Variants in CBFA2T3 observed in about 807,000 individuals in gnomAD.
CBFA2T3 encodes the protein CBFA2/RUNX1 partner transcriptional co-repressor 3, also known as transcriptional corepressor CBFA2T3.
In CBFA2T3, 31 loss-of-function variants were observed where a neutral mutation model predicts 58.6. The ratio of observed to expected loss-of-function variants is 0.53; its 90% CI spans 0.40 to 0.71. The LOEUF (loss-of-function observed/expected upper bound fraction) is 0.71. Ranked by LOEUF, CBFA2T3 falls within the 30% of genes least tolerant of loss-of-function variation. The pLI is 0.00. For synonymous variants in CBFA2T3, 531 were observed against 421.9 expected, an observed-to-expected ratio of 1.26 and a Z score of -3.17; for missense variants, 1,076 against 963.1, an observed-to-expected ratio of 1.12 and a Z score of -1.55.
chr16:88,886,189 G>A (rs747499966), intron 5 of CBFA2T3, 47 bp from the exon 6 acceptor site: 218 of 1,386,012 alleles, frequency 1.6e-4, no homozygotes, highest in Non-Finnish European at 2.0e-4. Flanking sequence ...GGGGTGCACA[G>A]CCCTGCTCAG....
At chr16:88,940,688 C>T (rs1293482413) in intron 1 of CBFA2T3, among the ~76,000 whole-genome samples, 1 of 152,220 alleles carries the variant, frequency 6.6e-6, no homozygotes, top group East Asian at 1.9e-4. Flanking sequence ...CGCCCTCGGC[C>T]TCCCCACTCC....
chr16:88,922,460 T>G (rs887172338), intron 1 of CBFA2T3, among the ~76,000 whole-genome samples: 1 of 152,200 alleles, frequency 6.6e-6, no homozygotes, highest in Non-Finnish European at 1.5e-5. Context: ...AGGGGCTGTA[T>G]GGGCCTGGAG....
At chr16:88,887,128 C>T (rs1437732949) in intron 5 of CBFA2T3, 1 of 152,296 alleles carries the variant, frequency 6.6e-6, no homozygotes, top group Non-Finnish European at 1.5e-5. Flanking sequence ...AATCCAATTC[C>T]CCAACTTTCT....
At chr16:88,910,022 G>A (rs1003566394) in intron 1 of CBFA2T3, among the ~76,000 whole-genome samples, 1 of 152,242 alleles carries the variant, frequency 6.6e-6, no homozygotes, top group African/African-American at 2.4e-5. Context: ...CTTGGCCAGT[G>A]CCACAGTGGC....
At chr16:88,943,022 G>A (rs1415855952) in intron 1 of CBFA2T3, among the ~76,000 whole-genome samples, 2 of 152,326 alleles carry the variant, frequency 1.3e-5, no homozygotes, top group Middle Eastern at 3.4e-3. Context: ...CTGGCTTCAT[G>A]GACTCTGAGG....
rs148371476 is a variant in CBFA2T3 at position 88,908,596 on chromosome 16, C to T, written c.152-6940G>A. Among the ~76,000 whole-genome samples the T allele has an allele frequency of 2.0e-3, 300 of 152,322 alleles. 1 individual carries two copies. Among genetic ancestry groups the T allele is most frequent in the African/African-American group, 6.8e-3 (282 of 41,574 alleles). On this transcript the variant is annotated intron_variant, in intron 1 of 11. Transcript: ENST00000268679. ...CAGCCCGCCCTGCCCAGCTGGGAAA[C>T]AGCCACAGCCCAGGGCTCCCAGCCT...
At chr16:88,888,776 G>C (rs1015124373) in intron 5 of CBFA2T3, among the ~76,000 whole-genome samples, 2 of 151,826 alleles carry the variant, frequency 1.3e-5, no homozygotes, top group African/African-American at 4.8e-5. Flanking sequence ...GAGGTGAACA[G>C]ACTTCATGTC....
chr16:88,949,690 T>A (rs918106482), intron 1 of CBFA2T3, among the ~76,000 whole-genome samples: 1 of 151,734 alleles, frequency 6.6e-6, no homozygotes, highest in African/African-American at 2.4e-5. Context: ...CTCAACAAAC[T>A]TCATGAGTAG....
In CBFA2T3 at chr16:88,968,897, C is replaced by A. The variant is rs74033228; in HGVS notation, c.151+7760G>T. Among the ~76,000 whole-genome samples the A allele has an allele frequency of 5.2e-3, 781 of 151,348 alleles. 5 individuals are homozygous for A. Among genetic ancestry groups the A allele is most frequent in the African/African-American group, 0.018 (755 of 41,468 alleles). Reference sequence around the variant, plus strand: ...CCCTGGACCTGAGTGCCATGTGACCCCCATGGACCATAACCCCTCTGAGCT... The same window carrying A: ...CCCTGGACCTGAGTGCCATGTGACCACCATGGACCATAACCCCTCTGAGCT... On this transcript the variant is annotated intron_variant, in intron 1 of 11. Coordinates refer to ENST00000268679, the MANE Select transcript of CBFA2T3 (RefSeq NM_005187.6).
At chr16:88,910,323 G>T (rs1365165761) in intron 1 of CBFA2T3, among the ~76,000 whole-genome samples, 1 of 152,080 alleles carries the variant, frequency 6.6e-6, no homozygotes, top group Admixed American at 6.5e-5. Context: ...GGCTCTCCCT[G>T]TAGCTCTGCT....
At chr16:88,967,795 C>T (rs1352403658) in intron 1 of CBFA2T3, among the ~76,000 whole-genome samples, 1 of 152,202 alleles carries the variant, frequency 6.6e-6, no homozygotes, top group Non-Finnish European at 1.5e-5. Flanking sequence ...CTCACACTGC[C>T]CCTTCCTGTC....
intron 3 of CBFA2T3, among the ~76,000 whole-genome samples, chr16:88,894,448 A>G (rs530380353): frequency 8.3e-6 from 1 of 119,956 alleles, no homozygotes; most frequent in Non-Finnish European, 1.7e-5. Flanking sequence ...ATGTACACAC[A>G]TGCACGCACA....
chr16:88,885,782 C>T lies in CBFA2T3; in HGVS notation c.893+179G>A, dbSNP rs868084558. On this transcript the variant is annotated intron_variant, in intron 6 of 11. Coordinates refer to ENST00000268679, the MANE Select transcript of CBFA2T3 (RefSeq NM_005187.6). This position sits in a 1 kb window ranked among gnomAD's most constrained non-coding sequence, Gnocchi z 5.3. ...TGAGTCTGCAGCCCACTGGGGTGTC[C>T]GCCCGTGCAGCCACCAAGCCTGCTG... is the stretch of plus-strand genomic sequence containing the variant. 9 of 602,740 alleles carry T rather than the reference C, an allele frequency of 1.5e-5. No individual in the cohort carries two copies. The highest frequency in any genetic ancestry group is 3.7e-5 in the African/African-American group (2 of 53,496). The allele number at this position is 602,740 out of a possible 1,614,324, so 37.3% of individuals were successfully genotyped here.
intron 1 of CBFA2T3, among the ~76,000 whole-genome samples, chr16:88,944,497 G>A (rs1390085366): frequency 6.6e-6 from 1 of 152,148 alleles, no homozygotes; most frequent in South Asian, 2.1e-4. Context: ...GGCGCACAGC[G>A]GGGCAGCCCC....
At chr16:88,914,606 G>A (rs1249078515) in intron 1 of CBFA2T3, among the ~76,000 whole-genome samples, 1 of 152,224 alleles carries the variant, frequency 6.6e-6, no homozygotes, top group Non-Finnish European at 1.5e-5. Flanking sequence ...ACCAGGGTGA[G>A]TCTGGGCCTG....
intron 1 of CBFA2T3, among the ~76,000 whole-genome samples, chr16:88,976,231 C>T (rs560634798): frequency 7.2e-5 from 11 of 152,324 alleles, no homozygotes; most frequent in South Asian, 4.1e-4. Context: ...AGTGCCCTCC[C>T]CTCTGGCCTC....
rs370075455 is a variant in CBFA2T3 at position 88,913,075 on chromosome 16, C to T, written c.152-11419G>A. Reference sequence around the variant, plus strand: ...GATTGCAGCTCTTCCAGTGCAGAGGCGGGGTCCACTTCCCTGCCCCCTGGA... The same window carrying T: ...GATTGCAGCTCTTCCAGTGCAGAGGTGGGGTCCACTTCCCTGCCCCCTGGA... On this transcript the variant is annotated intron_variant, in intron 1 of 11. Coordinates refer to ENST00000268679, the MANE Select transcript of CBFA2T3 (RefSeq NM_005187.6). Among the ~76,000 whole-genome samples the T allele has an allele frequency of 3.9e-4, 59 of 152,354 alleles. 1 individual carries two copies. In the East Asian group the frequency reaches 9.8e-3, roughly 25 times the overall value.
chr16:88,902,865 G>T (rs967556867), intron 1 of CBFA2T3, among the ~76,000 whole-genome samples: 1 of 152,084 alleles, frequency 6.6e-6, no homozygotes, highest in East Asian at 1.9e-4. Context: ...TCTCACCCAC[G>T]ACTGCCCCGC....
rs74033212 is a variant in CBFA2T3 at position 88,951,255 on chromosome 16, G to C, written c.151+25402C>G. 2.5e-3 allele frequency: 1,077 copies of C among 439,360 alleles called. 29 individuals carry two copies. Among genetic ancestry groups the C allele is most frequent in the African/African-American group, 0.023 (960 of 41,164 alleles). 27.2% of individuals were successfully genotyped at this position (439,360 alleles called of 1,614,324 possible). A position where few individuals can be genotyped will look rare whatever the true frequency, so the allele number is the denominator to read the frequency against. On this transcript the variant is annotated intron_variant, in intron 1 of 11. Transcript: ENST00000268679. Reference sequence around the variant, plus strand: ...ACAGAGGGTCAGAGTGTTGGCACCTGTCTTCCGGGTCTGTTCACCCGTCCC... The same window carrying C: ...ACAGAGGGTCAGAGTGTTGGCACCTCTCTTCCGGGTCTGTTCACCCGTCCC...
Sources: gnomAD v4.1 joint callset for allele counts (sites outside exome capture counted in the v4.1 genomes callset) on GRCh38, gnomAD v4.1.1 for gene constraint, Gnocchi (gnomAD v3.1) non-coding constraint, MANE v1.5 for transcripts, NCBI Gene and HGNC (gene_info 2026-07-23, HGNC 2026-07-21) for gene names.